Variants in PPP6R3 observed in about 807,000 individuals in gnomAD.
PPP6R3 encodes the protein serine/threonine-protein phosphatase 6 regulatory subunit 3.
A neutral mutation model predicts 110.7 loss-of-function variants in PPP6R3; 38 were observed. That is an observed-to-expected ratio of 0.34 (90% CI 0.26 to 0.45). PPP6R3 has a LOEUF of 0.45. Ranked by LOEUF, PPP6R3 falls within the 20% of genes least tolerant of loss-of-function variation. The probability of loss-of-function intolerance (pLI) is 1.00; values close to 1 mark genes in which losing one functional copy is unlikely to be tolerated. For synonymous variants in PPP6R3, 369 were observed against 373.5 expected (o/e 0.99, Z 0.14); for missense variants, 870 against 1,062.4 (o/e 0.82, Z 2.52).
intron 4 of PPP6R3, among the ~76,000 whole-genome samples, chr11:68,547,843 T>G (rs2099355413): frequency 7.1e-6 from 1 of 140,326 alleles, no homozygotes; most frequent in Admixed American, 7.2e-5. Flanking sequence ...TGTATTTGTA[T>G]TAATGGACGT....
At chr11:68,611,513 G>A (rs986023403) in intron 23 of PPP6R3, among the ~76,000 whole-genome samples, 4 of 152,198 alleles carry the variant, frequency 2.6e-5, no homozygotes, top group African/African-American at 9.7e-5. Flanking sequence ...AAAAGATGGG[G>A]TCAGCCAGTG....
At chr11:68,610,727 C>T (rs1279915268) in intron 23 of PPP6R3, among the ~76,000 whole-genome samples, 3 of 152,222 alleles carry the variant, frequency 2.0e-5, no homozygotes. Flanking sequence ...CCACAGGAAG[C>T]TTTGTTCAGC....
intron 23 of PPP6R3, among the ~76,000 whole-genome samples, chr11:68,612,433 C>T (rs1465355791): frequency 2.0e-5 from 3 of 152,090 alleles, no homozygotes; most frequent in African/African-American, 4.8e-5. Context: ...CAAGCCTTCC[C>T]GAATAGGTTA....
intron 19 of PPP6R3, among the ~76,000 whole-genome samples, chr11:68,597,603 G>A (rs929956708): frequency 6.6e-6 from 1 of 152,148 alleles, no homozygotes; most frequent in African/African-American, 2.4e-5. Context: ...AGGGAGGTGT[G>A]AGGAGGAGAC....
chr11:68,471,749 A>G (rs1259115678), intron 1 of PPP6R3, among the ~76,000 whole-genome samples: 1 of 152,176 alleles, frequency 6.6e-6, no homozygotes, highest in South Asian at 2.1e-4. Flanking sequence ...GATGAATGAC[A>G]TGATGAATCA....
chr11:68,504,196 A>G (rs536117791), intron 1 of PPP6R3, among the ~76,000 whole-genome samples: 16 of 151,182 alleles, frequency 1.1e-4, no homozygotes, highest in African/African-American at 3.9e-4. Context: ...AAAGCATTAT[A>G]TTCTTGAAGA....
intron 1 of PPP6R3, among the ~76,000 whole-genome samples, chr11:68,493,616 CATAT>C (rs71043436): frequency 0.3 from 41,723 of 137,332 alleles, 6,516 homozygotes; most frequent in Middle Eastern, 0.43. Context: ...AAAACAAAAC[CATAT>C]ATATATATAT....
intron 2 of PPP6R3, among the ~76,000 whole-genome samples, chr11:68,531,044 T>G (rs7106259): frequency 0.25 from 37,793 of 152,078 alleles, 4,919 homozygotes; most frequent in Middle Eastern, 0.33. Context: ...GAAAACCCAC[T>G]GATATCAACT....
intron 2 of PPP6R3, among the ~76,000 whole-genome samples, chr11:68,530,248 T>C (rs1179905910): frequency 6.6e-6 from 1 of 152,072 alleles, no homozygotes; most frequent in Non-Finnish European, 1.5e-5. Flanking sequence ...GTTTTAATAG[T>C]GGTGAGAGAA....
At chr11:68,578,583 C>T (rs1213053524) in intron 14 of PPP6R3, among the ~76,000 whole-genome samples, 1 of 152,142 alleles carries the variant, frequency 6.6e-6, no homozygotes, top group East Asian at 1.9e-4. Flanking sequence ...GCATTGTTAA[C>T]CTGACATGTT....
At position 68,477,741 on chromosome 11, in the gene PPP6R3, A is replaced by AAAAATAT; in HGVS notation, c.-158+16915_-158+16916insAAATATA. Among the ~76,000 whole-genome samples, 189 of 57,886 alleles carry AAAAATAT rather than the reference A, an allele frequency of 3.3e-3. 1 individual carries two copies. Among genetic ancestry groups the AAAAATAT allele is most frequent in the Non-Finnish European group, 5.2e-3 (155 of 30,042 alleles). 38.0% of individuals were successfully genotyped at this position (57,886 alleles called of 152,430 possible). A position where few individuals can be genotyped will look rare whatever the true frequency, so the allele number is the denominator to read the frequency against. On this transcript the variant is annotated intron_variant, in intron 1 of 23. Transcript: ENST00000393800. Reference sequence around the variant, plus strand: ...GACATTGTCTCTTAAAAAAAAAAAAAATATATATATATATATATATATATA... The same window carrying AAAAATAT: ...GACATTGTCTCTTAAAAAAAAAAAAAAAAATATATATATATATATATATATATATATA...
intron 3 of PPP6R3, among the ~76,000 whole-genome samples, chr11:68,542,393 T>TG (rs1555132379): frequency 6.0e-5 from 6 of 99,526 alleles, no homozygotes; most frequent in Non-Finnish European, 1.0e-4. Flanking sequence ...GCTGCTGTTT[T>TG]TTTTTTTTTT....
At chr11:68,557,335 A>G (rs540182443) in intron 7 of PPP6R3, among the ~76,000 whole-genome samples, 3 of 152,222 alleles carry the variant, frequency 2.0e-5, no homozygotes, top group South Asian at 4.1e-4. Context: ...TTTCCCCAAA[A>G]TAGAAAGAGA....
chr11:68,573,151 T>TAAA (rs1565935940), intron 12 of PPP6R3, among the ~76,000 whole-genome samples: 2 of 111,976 alleles, frequency 1.8e-5, no homozygotes, highest in African/African-American at 6.7e-5. Flanking sequence ...TATATATATA[T>TAAA]ATAATTTTTT....
In PPP6R3 at chr11:68,573,114, T is replaced by TTTTATTTATATA. The variant is rs1397314086; in HGVS notation, c.1344-994_1344-993insTTATTTATATAT. On this transcript the variant is annotated intron_variant, in intron 12 of 23. Coordinates refer to ENST00000393800, the MANE Select transcript of PPP6R3 (RefSeq NM_001164161.2). ...TCAGATTAATATGAGTTTACTTATTTTATATATATATATATATATATATAT... is the reference window on the plus strand; with the variant it reads ...TCAGATTAATATGAGTTTACTTATTTTTTATTTATATATATATATATATATATATATATATAT... Among the ~76,000 whole-genome samples, 3 of 61,796 alleles carry TTTTATTTATATA rather than the reference T, an allele frequency of 4.9e-5. No homozygotes were observed. In the East Asian group the frequency reaches 2.6e-3, roughly 54 times the overall value. The allele number at this position is 61,796 out of a possible 152,430, so 40.5% of individuals were successfully genotyped here. A position where few individuals can be genotyped will look rare whatever the true frequency, so the allele number is the denominator to read the frequency against.
At chr11:68,609,838 C>T (rs1000358834) in intron 22 of PPP6R3, 66 bp from the exon 23 acceptor site, 17 of 1,606,166 alleles carry the variant, frequency 1.1e-5, no homozygotes, top group Non-Finnish European at 1.4e-5. Flanking sequence ...CATGTGACCT[C>T]ATCCTCTGGT....
chr11:68,545,299 A>G (rs988247158), intron 4 of PPP6R3, among the ~76,000 whole-genome samples: 1 of 152,226 alleles, frequency 6.6e-6, no homozygotes, highest in African/African-American at 2.4e-5. Context: ...TTGGGTACCC[A>G]TTTGTGAAGA....
chr11:68,502,426 A>G (rs2099053433), intron 1 of PPP6R3, among the ~76,000 whole-genome samples: 1 of 152,168 alleles, frequency 6.6e-6, no homozygotes, highest in African/African-American at 2.4e-5. Context: ...AATTATTATC[A>G]TTATTGTTCA....
At chr11:68,483,562 A>G (rs2098928847) in intron 1 of PPP6R3, among the ~76,000 whole-genome samples, 1 of 150,886 alleles carries the variant, frequency 6.6e-6, no homozygotes. Flanking sequence ...GGCTCATTGT[A>G]ACCTCCGCCT....
Sources: allele counts gnomAD v4.1 joint callset (sites outside exome capture counted in the v4.1 genomes callset), GRCh38; gene constraint gnomAD v4.1.1; transcripts MANE v1.5; gene names NCBI Gene and HGNC (gene_info 2026-07-23, HGNC 2026-07-21).